The following CFAP65 variants were observed in gnomAD, a reference collection of about 807,000 sequenced individuals.
CFAP65 encodes cilia- and flagella-associated protein 65.
A neutral mutation model predicts 208.0 loss-of-function variants in CFAP65; 155 were observed. The ratio of observed to expected loss-of-function variants is 0.75; its 90% CI spans 0.65 to 0.85. The LOEUF (loss-of-function observed/expected upper bound fraction) is 0.85, where lower values mean the gene tolerates loss of function less well. Among genes scored for constraint, CFAP65 ranks in the 40% least tolerant of loss-of-function variants. The pLI is 0.00. For missense variants in CFAP65, 2,294 were observed against 2,451.3 expected (o/e 0.94, Z 1.36); for synonymous variants, 970 against 986.3 (o/e 0.98, Z 0.31).
intron 2 of CFAP65, 124 bp from the exon 3 acceptor site, chr2:219,039,174 T>C (rs1198544335): frequency 1.2e-6 from 1 of 823,394 alleles, no homozygotes; most frequent in East Asian, 2.7e-5. Context: ...CCAGATGCTA[T>C]GTATATGCCA....
chr2:219,009,859 G>A (rs534490959), intron 27 of CFAP65, 83 bp downstream of exon 27: 6 of 1,297,016 alleles, frequency 4.6e-6, no homozygotes, highest in Non-Finnish European at 6.3e-6. Flanking sequence ...ATGGGATGGA[G>A]TGGGGTGGTA....
Position 219,029,429 on chromosome 2 carries a change from G to A in CFAP65, c.1624C>T (p.Arg542Cys), listed in dbSNP as rs768595170. ...QPTHPIICFR[R>C]VACLIHHQDP... Reference sequence around the variant, plus strand: ...TGGTGGTGGATGAGACAGGCCACACGCCGAAAGCAGATGATGGGGTGAGTG... The same window carrying A: ...TGGTGGTGGATGAGACAGGCCACACACCGAAAGCAGATGATGGGGTGAGTG... The change falls in exon 11 of 35, where the codon CGT becomes TGT. Residue 542 changes from arginine to cysteine, a missense_variant. Arg to Cys is a radical substitution (Grantham distance 180, BLOSUM62 -3). Coordinates refer to ENST00000341552, the MANE Select transcript of CFAP65 (RefSeq NM_194302.4). 2.5e-6 allele frequency: 4 copies of A among 1,613,926 alleles called. No homozygotes were observed. Among genetic ancestry groups the A allele is most frequent in the South Asian group, 2.2e-5 (2 of 91,056 alleles).
rs773431955 is a variant in CFAP65, at chr2:219,031,348, T to C, written c.816-43A>G. On this transcript the variant is annotated intron_variant, in intron 7 of 34. Coordinates refer to ENST00000341552, the MANE Select transcript of CFAP65 (RefSeq NM_194302.4). The surrounding 1 kb of genome is among the most constrained non-coding windows in gnomAD (Gnocchi z 5.2). The stretch of plus-strand genomic sequence containing the variant: ...GTCAGGGCACTGGGCTCCCGGCCCC[T>C]GCTCCTGCAGTAGCAAGTCAGGGAT... 2 of 1,607,090 alleles carry C rather than the reference T, an allele frequency of 1.2e-6. No individual in the cohort carries two copies. The highest frequency in any genetic ancestry group is 1.3e-5 in the African/African-American group (1 of 74,736).
rs1310786584 is a variant in CFAP65 at position 219,035,572 on chromosome 2, C to A, written c.450G>T (p.Glu150Asp). The change falls in exon 5 of 35, where the codon GAG (glutamate) becomes GAT (aspartate). Residue 150 changes from glutamate to aspartate, a missense_variant. By Grantham distance (45) the Glu-to-Asp change is conservative. Coordinates refer to ENST00000341552, the MANE Select transcript of CFAP65 (RefSeq NM_194302.4). ...CTAGCTCCCAGCCTTTCCAATGCAG[C>A]TCCTCAGCCACCTCAATGCCCCAGA... is the stretch of plus-strand genomic sequence containing the variant. The part of the protein sequence containing the change: ...RVIWGIEVAE[E>D]LHWKGWELGK... 1 of 1,614,068 alleles carries A rather than the reference C, an allele frequency of 6.2e-7. No individual in the cohort carries two copies. The highest frequency in any genetic ancestry group is 8.5e-7 in the Non-Finnish European group (1 of 1,180,018).
chr2:219,021,214 G>A lies in CFAP65; in HGVS notation c.3197C>T (p.Ala1066Val). ...GTACTGGGACCGCTGCTTGGGACAG[G>A]CAGTCAGGCAGATGGTGTCCTGGGA... ...PRSQDTICLT[A>V]CPKQRSQYSW... Residue 1066 changes from alanine (A) to valine (V), a missense_variant, in exon 19 of 35, where the codon GCC becomes GTC. Around this residue, in one of 2 missense-constraint regions of CFAP65, gnomAD observed 1,427 missense variants for 1,438.7 expected, o/e 0.99. Transcript: ENST00000341552. The A allele has an allele frequency of 1.2e-6, 2 of 1,608,420 alleles. No homozygotes were observed. The highest frequency in any genetic ancestry group is 1.1e-5 in the South Asian group (1 of 89,666).
Position 219,004,449 on chromosome 2 carries a change from C to G in CFAP65, c.5058G>C (p.Leu1686=). 6.2e-7 allele frequency: 1 copy of G among 1,606,372 alleles called. No individual in the cohort carries two copies. The highest frequency in any genetic ancestry group is 1.3e-5 in the African/African-American group (1 of 74,968). The part of the protein sequence containing the change: ...VDILTTIIRG[L]LEDKNFHEAV... ...CCTCATGGAAGTTCTTGTCTTCCAG[C>G]AGGCCCCTAGGTGGCAGGGAGAAGG... Residue 1686 remains leucine, a synonymous_variant, in exon 33 of 35, where the codon CTG becomes CTC. Transcript: ENST00000341552. This position sits in a 1 kb window ranked among gnomAD's most constrained non-coding sequence, Gnocchi z 4.7.
rs1481069572 is a variant in CFAP65, at chr2:219,003,332, G to GC, written c.5556-61dup. On this transcript the variant is annotated intron_variant, in intron 33 of 34. Coordinates refer to ENST00000341552, the MANE Select transcript of CFAP65 (RefSeq NM_194302.4). This position sits in a 1 kb window ranked among gnomAD's most constrained non-coding sequence, Gnocchi z 4.4. The stretch of plus-strand genomic sequence containing the variant: ...GCAGTGCCCGCGCGCCTCCTCGCTC[G>GC]CCTGTCCGTGCGGTACATTGTGCCG... 6.8e-7 allele frequency: 1 copy of GC among 1,469,276 alleles called. No individual in the cohort carries two copies. The highest frequency in any genetic ancestry group is 9.0e-7 in the Non-Finnish European group (1 of 1,109,950). 91.0% of individuals were successfully genotyped at this position (1,469,276 alleles called of 1,614,324 possible).
In CFAP65 at chr2:219,010,812, G is replaced by A. The variant is rs370054630; in HGVS notation, c.4142C>T (p.Thr1381Ile). Residue 1381 changes from threonine to isoleucine, a missense_variant, in exon 25 of 35, where the codon ACC becomes ATC. Thr to Ile is a moderately conservative substitution (Grantham distance 89). Transcript: ENST00000341552. Reference protein sequence around the residue: ...LWIFSPIEAKTYTVDVPIHIL... With the variant: ...LWIFSPIEAKIYTVDVPIHIL... ...ATCCAGGTTGCTGCTCACCGTGTAGGTCTTGGCCTCGATAGGTGAGAAGAT... is the reference window on the plus strand; with the variant it reads ...ATCCAGGTTGCTGCTCACCGTGTAGATCTTGGCCTCGATAGGTGAGAAGAT... 13 of 1,602,980 alleles carry A rather than the reference G, an allele frequency of 8.1e-6. No individual in the cohort carries two copies. The African/African-American group carries it at 1.2e-4, about 15-fold the overall frequency.
chr2:219,021,402 G>C, intron 18 of CFAP65, 122 bp from the exon 19 acceptor site: 1 of 1,221,298 alleles, frequency 8.2e-7, no homozygotes, highest in Non-Finnish European at 1.1e-6. Flanking sequence ...GCAGGAAACA[G>C]GGAGTGGAGC....
At chr2:219,029,907 G>T in intron 10 of CFAP65, 79 bp downstream of exon 10, 1 of 1,421,438 alleles carries the variant, frequency 7.0e-7, no homozygotes, top group Non-Finnish European at 9.7e-7. Context: ...CCGCCTCCTA[G>T]GAGCAGGGAA....
At chr2:219,039,256 T>C (rs1948543665) in intron 2 of CFAP65, 1 of 406,284 alleles carries the variant, frequency 2.5e-6, no homozygotes. Context: ...CTCAAGAGGA[T>C]GCTTGACCTC....
chr2:219,011,573 C>A (rs115690930), intron 24 of CFAP65, among the ~76,000 whole-genome samples: 11 of 152,080 alleles, frequency 7.2e-5, no homozygotes, highest in African/African-American at 2.7e-4. Flanking sequence ...TGAGCCACTG[C>A]GCCTGGCCAA....
chr2:219,027,470 G>C (rs747309733), intron 13 of CFAP65, 180 bp downstream of exon 13: 1 of 1,557,386 alleles, frequency 6.4e-7, no homozygotes, highest in South Asian at 1.2e-5. Flanking sequence ...CAGATGGGCC[G>C]AGCTAGGCCA....
intron 4 of CFAP65, 62 bp downstream of exon 4, chr2:219,038,313 C>T: frequency 6.5e-7 from 1 of 1,537,552 alleles, no homozygotes; most frequent in Non-Finnish European, 8.9e-7. Context: ...CACTGCCCTG[C>T]CACCCATGCC....
intron 14 of CFAP65, among the ~76,000 whole-genome samples, chr2:219,024,470 A>AGGGAGACGGGG (rs1168795562): frequency 5.8e-4 from 4 of 6,952 alleles, no homozygotes; most frequent in African/African-American, 2.1e-3. Context: ...ACCTCCAGAA[A>AGGGAGACGGGG]GGGGCGGGGG....
intron 21 of CFAP65, among the ~76,000 whole-genome samples, chr2:219,017,076 C>T (rs1574571132): frequency 6.6e-6 from 1 of 152,198 alleles, no homozygotes. Flanking sequence ...CATATGACCC[C>T]GCAACAGGAG....
At chr2:219,040,842 C>A (rs1457342278) in intron 1 of CFAP65, among the ~76,000 whole-genome samples, 3 of 152,224 alleles carry the variant, frequency 2.0e-5, no homozygotes, top group Non-Finnish European at 4.4e-5. Flanking sequence ...TCAGACTCTA[C>A]GGGGATAGGC....
Position 219,041,492 on chromosome 2 carries a change from C to T in CFAP65, c.-53G>A. On this transcript the variant is annotated 5_prime_UTR_variant, in exon 1 of 35. Coordinates refer to ENST00000341552, the MANE Select transcript of CFAP65 (RefSeq NM_194302.4). ...GGACTAACGCTCAGAACTTACATCGCCTCCATATTGCCGTCTCCATAGATA... is the reference window on the plus strand; with the variant it reads ...GGACTAACGCTCAGAACTTACATCGTCTCCATATTGCCGTCTCCATAGATA... 1 of 1,550,594 alleles carries T rather than the reference C, an allele frequency of 6.4e-7. No individual in the cohort carries two copies. Among genetic ancestry groups the T allele is most frequent in the Non-Finnish European group, 8.7e-7 (1 of 1,146,998 alleles).
chr2:219,022,176 G>T lies in CFAP65; in HGVS notation c.2974C>A (p.Leu992Ile), dbSNP rs762209129. Residue 992 changes from leucine (L) to isoleucine (I), a missense_variant, in exon 17 of 35, where the codon CTC becomes ATC. By Grantham distance (5) the Leu-to-Ile change is conservative. Coordinates refer to ENST00000341552, the MANE Select transcript of CFAP65 (RefSeq NM_194302.4). ...GCCAGAGCCCTCCCACTCACAGAGA[G>T]GCTGCTGGTGAGCCCAACGCCCACC... ...RLVGVGLTSSLSAKEKELAFG... is the reference protein window; with the variant it reads ...RLVGVGLTSSISAKEKELAFG... 2 of 1,592,768 alleles carry T rather than the reference G, an allele frequency of 1.3e-6. No homozygotes were observed. Among genetic ancestry groups the T allele is most frequent in the Non-Finnish European group, 1.7e-6 (2 of 1,168,822 alleles).
Sources: gnomAD v4.1 joint callset for allele counts (sites outside exome capture counted in the v4.1 genomes callset) on GRCh38, gnomAD v4.1.1 for gene constraint, gnomAD v4.1.1 regional missense constraint, Gnocchi (gnomAD v3.1) non-coding constraint, MANE v1.5 for transcripts, NCBI Gene and HGNC (gene_info 2026-07-23, HGNC 2026-07-21) for gene names.